The following PALS1 variants were observed in gnomAD, a reference collection of about 807,000 sequenced individuals.
PALS1 encodes protein associated with LIN7 1, MAGUK p55 family member, also known as protein PALS1.
In PALS1, 31 loss-of-function variants were observed where a neutral mutation model predicts 78.9. The ratio of observed to expected loss-of-function variants is 0.39; its 90% CI spans 0.30 to 0.53. The LOEUF (loss-of-function observed/expected upper bound fraction) is 0.53. Ranked by LOEUF, PALS1 falls within the 20% of genes least tolerant of loss-of-function variation. PALS1 has a pLI of 0.67. For missense variants in PALS1, 704 were observed against 826.5 expected (o/e 0.85, Z 1.82); for synonymous variants, 276 against 270.9 (o/e 1.02, Z -0.18).
At chr14:67,266,453 G>A (rs1396023473) in intron 1 of PALS1, among the ~76,000 whole-genome samples, 5 of 152,082 alleles carry the variant, frequency 3.3e-5, no homozygotes, top group Admixed American at 6.5e-5. Flanking sequence ...AGCCTGCCGA[G>A]TAGCTGGGAT....
chr14:67,285,928 G>A (rs927621827), intron 3 of PALS1, among the ~76,000 whole-genome samples: 2 of 152,122 alleles, frequency 1.3e-5, no homozygotes, highest in Non-Finnish European at 2.9e-5. Flanking sequence ...AAAGCCAAAT[G>A]TAAGTGAATT....
In PALS1 at chr14:67,302,044, T is replaced by A. The variant is rs751035064; in HGVS notation, c.727T>A (p.Tyr243Asn). ...AGAGCCCATTACAGATGAGAGAGTTTATGAAAGTATTGGCCAGTATGGAGG... is the reference window on the plus strand; with the variant it reads ...AGAGCCCATTACAGATGAGAGAGTTAATGAAAGTATTGGCCAGTATGGAGG... ...QLEPITDERVYESIGQYGGET... is the reference protein window; with the variant it reads ...QLEPITDERVNESIGQYGGET... The change falls in exon 6 of 15, where the codon TAT becomes AAT. Residue 243 changes from tyrosine (Y) to asparagine (N), a missense_variant. Physicochemically the swap from Tyr to Asn is moderately radical, Grantham distance 143. Transcript: ENST00000261681. The A allele has an allele frequency of 2.5e-6, 4 of 1,610,506 alleles. No homozygotes were observed. In the South Asian group the frequency reaches 4.4e-5, roughly 18 times the overall value.
intron 4 of PALS1, 141 bp downstream of exon 4, chr14:67,292,860 C>T: frequency 1.7e-6 from 1 of 598,386 alleles, no homozygotes; most frequent in Admixed American, 3.8e-5. Context: ...TGTATTGTGA[C>T]AGTTTACTAC....
At chr14:67,299,802 A>G (rs888992214) in intron 4 of PALS1, among the ~76,000 whole-genome samples, 6 of 152,144 alleles carry the variant, frequency 3.9e-5, no homozygotes, top group Non-Finnish European at 8.8e-5. Flanking sequence ...ATAGGGAGAA[A>G]ATCTCTAATA....
At chr14:67,249,543 GAT>G (rs2084035870) in intron 1 of PALS1, among the ~76,000 whole-genome samples, 1 of 152,168 alleles carries the variant, frequency 6.6e-6, no homozygotes. Flanking sequence ...CAAACCAACA[GAT>G]GTGAAATAAT....
Position 67,271,839 on chromosome 14 carries a change from G to A in PALS1, c.-154+2056G>A, listed in dbSNP as rs192020441. ...TGTAATCCCAGCACTTTGGGAGGCC[G>A]AGGCTGGTGGATCACGAGGTCAGGA... On this transcript the variant is annotated intron_variant, in intron 2 of 14. Transcript: ENST00000261681. The A allele has an allele frequency of 5.3e-3, 807 of 152,292 alleles. 3 individuals are homozygous for A. The highest frequency in any genetic ancestry group is 0.037 in the Middle Eastern group (11 of 298). 9.4% of individuals were successfully genotyped at this position (152,292 alleles called of 1,614,324 possible).
intron 3 of PALS1, among the ~76,000 whole-genome samples, chr14:67,282,214 T>C (rs1441068628): frequency 6.6e-6 from 1 of 152,144 alleles, no homozygotes; most frequent in Non-Finnish European, 1.5e-5. Context: ...TTTTTTCTTG[T>C]TCATAATCTG....
intron 1 of PALS1, among the ~76,000 whole-genome samples, chr14:67,257,923 G>C (rs577591214): frequency 1.4e-4 from 21 of 152,230 alleles, no homozygotes; most frequent in Admixed American, 8.5e-4. Context: ...CCCTTATATG[G>C]AGTGTGTAAA....
chr14:67,305,066 A>G (rs2084981009), intron 8 of PALS1, among the ~76,000 whole-genome samples: 1 of 152,176 alleles, frequency 6.6e-6, no homozygotes, highest in African/African-American at 2.4e-5. Flanking sequence ...ATGAGGAAAT[A>G]TAGTTTGTCT....
intron 1 of PALS1, among the ~76,000 whole-genome samples, chr14:67,250,182 T>G (rs2084046154): frequency 6.6e-6 from 1 of 152,202 alleles, no homozygotes; most frequent in Admixed American, 6.5e-5. Flanking sequence ...CATTTAAAAT[T>G]CAGCCACCCA....
intron 4 of PALS1, among the ~76,000 whole-genome samples, chr14:67,299,696 A>C (rs1427255801): frequency 1.3e-5 from 2 of 152,250 alleles, no homozygotes; most frequent in African/African-American, 2.4e-5. Flanking sequence ...AATAAGCAAC[A>C]TATAGGTTAG....
At chr14:67,315,872 C>T (rs2085165477) in intron 9 of PALS1, among the ~76,000 whole-genome samples, 1 of 152,224 alleles carries the variant, frequency 6.6e-6, no homozygotes, top group South Asian at 2.1e-4. Context: ...TTGCGGTGAG[C>T]CAAGATTGCG....
intron 4 of PALS1, among the ~76,000 whole-genome samples, chr14:67,300,007 T>G (rs2084910554): frequency 6.6e-6 from 1 of 152,220 alleles, no homozygotes; most frequent in Non-Finnish European, 1.5e-5. Flanking sequence ...AAACAACTTT[T>G]AGTTACCCAC....
Position 67,247,771 on chromosome 14 carries a change from G to A in PALS1, c.-237+6238G>A, listed in dbSNP as rs540066140. ...TTTTTGTATTTTTAGTAGAGACAGGGCTTCACCATGTTGCCCAGGCTGGTC... is the reference window on the plus strand; with the variant it reads ...TTTTTGTATTTTTAGTAGAGACAGGACTTCACCATGTTGCCCAGGCTGGTC... On this transcript the variant is annotated intron_variant, in intron 1 of 14. Coordinates refer to ENST00000261681, the MANE Select transcript of PALS1 (RefSeq NM_022474.4). 7.2e-5 allele frequency among the ~76,000 whole-genome samples: 11 copies of A among 152,104 alleles called. 1 individual carries two copies. In the South Asian group the frequency reaches 2.3e-3, roughly 32 times the overall value.
chr14:67,313,123 C>T (rs1053850499), intron 9 of PALS1, among the ~76,000 whole-genome samples: 4 of 152,088 alleles, frequency 2.6e-5, no homozygotes, highest in Admixed American at 1.3e-4. Context: ...TTGTACCAAA[C>T]GTGATCTTAG....
At chr14:67,272,201 T>G (rs1360293127) in intron 2 of PALS1, 1 of 152,218 alleles carries the variant, frequency 6.6e-6, no homozygotes, top group Non-Finnish European at 1.5e-5. Flanking sequence ...AGGATTTGTA[T>G]TTAAGACCTT....
At chr14:67,327,843 A>G (rs1446071620) in intron 14 of PALS1, among the ~76,000 whole-genome samples, 1 of 152,210 alleles carries the variant, frequency 6.6e-6, no homozygotes, top group African/African-American at 2.4e-5. Context: ...GCTGCATAGT[A>G]TTCCATGGTG....
chr14:67,283,289 T>G (rs2084629867), intron 3 of PALS1, among the ~76,000 whole-genome samples: 1 of 152,206 alleles, frequency 6.6e-6, no homozygotes, highest in Admixed American at 6.5e-5. Flanking sequence ...TCTCTGGATA[T>G]TCAAACTATT....
chr14:67,324,896 C>CCTTT (rs2085326609), intron 14 of PALS1, among the ~76,000 whole-genome samples: 5 of 114,454 alleles, frequency 4.4e-5, no homozygotes, highest in African/African-American at 1.6e-4. Context: ...GCCTTCCTTT[C>CCTTT]ATTTTTTTTT....
Sources: gnomAD v4.1 joint callset for allele counts (sites outside exome capture counted in the v4.1 genomes callset) on GRCh38, gnomAD v4.1.1 for gene constraint, MANE v1.5 for transcripts, NCBI Gene and HGNC (gene_info 2026-07-23, HGNC 2026-07-21) for gene names.